FHOD3: variants seen among roughly 807,000 people sequenced by gnomAD.
FHOD3 encodes formin homology 2 domain containing 3.
A neutral mutation model predicts 173.0 loss-of-function variants in FHOD3; 90 were observed. The observed-to-expected ratio is 0.52, with a 90% CI of 0.44 to 0.62. The LOEUF is 0.62. Among genes scored for constraint, FHOD3 ranks in the 20% least tolerant of loss-of-function variants. The pLI is 0.00. For missense variants in FHOD3, 1,945 were observed against 2,034.7 expected, an observed-to-expected ratio of 0.96 and a Z score of 0.85; for synonymous variants, 828 against 823.0, an observed-to-expected ratio of 1.01 and a Z score of -0.10.
chr18:36,700,632 T>C (rs2039529654), intron 17 of FHOD3, among the ~76,000 whole-genome samples: 1 of 152,092 alleles, frequency 6.6e-6, no homozygotes, highest in Non-Finnish European at 1.5e-5. Context: ...TTCTGATAGG[T>C]TTCACTTCTT....
intron 3 of FHOD3, among the ~76,000 whole-genome samples, chr18:36,393,826 A>G (rs1317547004): frequency 6.6e-6 from 1 of 152,214 alleles, no homozygotes; most frequent in African/African-American, 2.4e-5. Context: ...TAGGGTCCCA[A>G]ACTTCAGAAA....
At chr18:36,602,011 C>G (rs538783116) in intron 7 of FHOD3, among the ~76,000 whole-genome samples, 7 of 152,324 alleles carry the variant, frequency 4.6e-5, no homozygotes, top group African/African-American at 1.7e-4. Flanking sequence ...AGAGACCTCA[C>G]TTGCACAGTG....
chr18:36,541,631 T>C (rs867689013), intron 5 of FHOD3, among the ~76,000 whole-genome samples: 1 of 152,204 alleles, frequency 6.6e-6, no homozygotes, highest in South Asian at 2.1e-4. Flanking sequence ...GTTTACTCCT[T>C]CCAAATAAAG....
chr18:36,652,455 G>A (rs2036123241), intron 11 of FHOD3, 115 bp from the exon 12 acceptor site: 2 of 1,262,846 alleles, frequency 1.6e-6, no homozygotes, highest in African/African-American at 3.0e-5. Flanking sequence ...TGACTTTGAA[G>A]TGAGTGATAA....
chr18:36,751,850 T>G (rs1168509624), intron 24 of FHOD3, among the ~76,000 whole-genome samples: 1 of 152,190 alleles, frequency 6.6e-6, no homozygotes, highest in African/African-American at 2.4e-5. Flanking sequence ...AGGCTACAGT[T>G]GCACTGTGAA....
At chr18:36,477,847 A>G (rs2053677034) in intron 3 of FHOD3, among the ~76,000 whole-genome samples, 1 of 152,124 alleles carries the variant, frequency 6.6e-6, no homozygotes, top group African/African-American at 2.4e-5. Context: ...CACAGGAAGT[A>G]AGGGAGCAAA....
chr18:36,695,075 G>T (rs974604736), intron 17 of FHOD3, among the ~76,000 whole-genome samples: 1 of 151,892 alleles, frequency 6.6e-6, no homozygotes, highest in Admixed American at 6.6e-5. Flanking sequence ...GGGCACAGTG[G>T]CTCTTGCGTG....
intron 7 of FHOD3, among the ~76,000 whole-genome samples, 158 bp from the exon 8 acceptor site, chr18:36,602,516 T>C (rs1255496392): frequency 1.3e-5 from 2 of 152,218 alleles, no homozygotes; most frequent in African/African-American, 4.8e-5. Flanking sequence ...ATTAGAAGCA[T>C]GCTCAAATCC....
chr18:36,589,285 T>C (rs2059134728), intron 6 of FHOD3, among the ~76,000 whole-genome samples: 1 of 152,242 alleles, frequency 6.6e-6, no homozygotes, highest in South Asian at 2.1e-4. Flanking sequence ...GTCTTTATTA[T>C]AACAGACAAC....
At chr18:36,653,691 G>A (rs1010771073) in intron 13 of FHOD3, among the ~76,000 whole-genome samples, 1 of 152,146 alleles carries the variant, frequency 6.6e-6, no homozygotes, top group Non-Finnish European at 1.5e-5. Context: ...TGTTGCCTGC[G>A]TTATGAGCTC....
intron 3 of FHOD3, among the ~76,000 whole-genome samples, chr18:36,420,316 C>A (rs1016116469): frequency 6.6e-6 from 1 of 152,200 alleles, no homozygotes; most frequent in Non-Finnish European, 1.5e-5. Flanking sequence ...CCAAAACTTA[C>A]AACCTTGGAG....
intron 18 of FHOD3, chr18:36,709,596 C>T (rs2040061240): frequency 3.4e-6 from 2 of 581,658 alleles, no homozygotes; most frequent in Non-Finnish European, 6.0e-6. Flanking sequence ...AGAAAGACAG[C>T]CCCCAAACTG....
At chr18:36,381,856 G>A (rs1429839363) in intron 3 of FHOD3, among the ~76,000 whole-genome samples, 1 of 152,210 alleles carries the variant, frequency 6.6e-6, no homozygotes, top group Non-Finnish European at 1.5e-5. Flanking sequence ...AACAGATGAC[G>A]CCATGGTATC....
rs192776653 is a variant in FHOD3, at chr18:36,308,422, T to C, written c.165+10422T>C. ...GCCCAGCTCCAACCTGACTTCTTCC[T>C]TTCTTTGTGCAGCTGGTATCACCTC... On this transcript the variant is annotated intron_variant, in intron 1 of 28. Coordinates refer to ENST00000590592, the MANE Select transcript of FHOD3 (RefSeq NM_001281740.3). Among the ~76,000 whole-genome samples the C allele has an allele frequency of 5.3e-5, 8 of 152,296 alleles. No homozygotes were observed. In the East Asian group the frequency reaches 1.5e-3, roughly 29 times the overall value.
At chr18:36,371,493 A>C (rs985851481) in intron 2 of FHOD3, among the ~76,000 whole-genome samples, 8 of 152,114 alleles carry the variant, frequency 5.3e-5, no homozygotes, top group Non-Finnish European at 1.2e-4. Context: ...ATTCACTATC[A>C]CAAGAATGCC....
intron 3 of FHOD3, among the ~76,000 whole-genome samples, chr18:36,412,162 A>G (rs374857291): frequency 3.9e-5 from 6 of 152,164 alleles, no homozygotes; most frequent in African/African-American, 1.4e-4. Context: ...TCATTGCTTT[A>G]GGGGATGGGT....
At chr18:36,459,601 A>G (rs1295515822) in intron 3 of FHOD3, among the ~76,000 whole-genome samples, 1 of 152,166 alleles carries the variant, frequency 6.6e-6, no homozygotes, top group Non-Finnish European at 1.5e-5. Flanking sequence ...GGCCTTGGAG[A>G]AAGGGAAGCT....
chr18:36,565,661 T>C (rs1191346190), intron 5 of FHOD3, among the ~76,000 whole-genome samples: 2 of 152,212 alleles, frequency 1.3e-5, no homozygotes, highest in Non-Finnish European at 2.9e-5. Context: ...TTGGTAGAAA[T>C]AAATAGGAAT....
chr18:36,494,117 G>T (rs531692711), intron 3 of FHOD3, among the ~76,000 whole-genome samples: 1 of 151,996 alleles, frequency 6.6e-6, no homozygotes, highest in African/African-American at 2.4e-5. Flanking sequence ...TTAATGTTCT[G>T]GTCTGTCTTT....
Sources: allele counts gnomAD v4.1 joint callset (sites outside exome capture counted in the v4.1 genomes callset), GRCh38; gene constraint gnomAD v4.1.1; transcripts MANE v1.5; gene names NCBI Gene and HGNC (gene_info 2026-07-23, HGNC 2026-07-21).